DCDC1: variants seen among roughly 807,000 people sequenced by gnomAD.
DCDC1 encodes doublecortin domain-containing protein 1.
A neutral mutation model predicts 178.3 loss-of-function variants in DCDC1; 200 were observed. That is an observed-to-expected ratio of 1.12 (90% CI 1.00 to 1.26). The LOEUF is 1.26. DCDC1 is among the 50% of genes most tolerant of loss of function. The pLI, the probability that DCDC1 is intolerant of heterozygous loss-of-function variation, is 0.00. For synonymous variants in DCDC1, 690 were observed against 604.8 expected (o/e 1.14, Z -2.07); for missense variants, 1,983 against 1,749.2 (o/e 1.13, Z -2.38).
intron 14 of DCDC1, 92 bp downstream of exon 14, chr11:31,103,552 T>C: frequency 3.3e-6 from 2 of 600,498 alleles, no homozygotes; most frequent in Non-Finnish European, 5.9e-6. Flanking sequence ...GAGCATCTTT[T>C]AGTGTTTCGA....
chr11:30,933,933 G>A (rs1307114518), intron 21 of DCDC1, among the ~76,000 whole-genome samples: 1 of 152,092 alleles, frequency 6.6e-6, no homozygotes, highest in Non-Finnish European at 1.5e-5. Flanking sequence ...TGCCATCTGG[G>A]GCAGTATTGT....
intron 3 of DCDC1, among the ~76,000 whole-genome samples, chr11:31,309,609 GT>G (rs1306544243): frequency 1.3e-5 from 2 of 152,090 alleles, no homozygotes; most frequent in Non-Finnish European, 2.9e-5. Flanking sequence ...CCAATAAATA[GT>G]TACTTGAAGA....
At chr11:31,059,246 T>A (rs1013068110) in intron 20 of DCDC1, among the ~76,000 whole-genome samples, 2 of 152,144 alleles carry the variant, frequency 1.3e-5, no homozygotes, top group African/African-American at 2.4e-5. Flanking sequence ...AAGAAACAGA[T>A]GCAATTACAT....
chr11:30,961,037 A>G (rs1216623220), intron 20 of DCDC1, among the ~76,000 whole-genome samples: 1 of 152,122 alleles, frequency 6.6e-6, no homozygotes, highest in Non-Finnish European at 1.5e-5. Context: ...AACAAAATCC[A>G]GAATTAAACA....
At chr11:31,043,403 G>A (rs1954609759) in intron 20 of DCDC1, among the ~76,000 whole-genome samples, 1 of 152,170 alleles carries the variant, frequency 6.6e-6, no homozygotes, top group South Asian at 2.1e-4. Flanking sequence ...CCTGAAGGCA[G>A]AACTGAGATG....
At chr11:31,303,452 G>A (rs774373101) in intron 6 of DCDC1, among the ~76,000 whole-genome samples, 11 of 151,902 alleles carry the variant, frequency 7.2e-5, no homozygotes, top group African/African-American at 9.7e-5. Flanking sequence ...TTATTCACAC[G>A]TTTTTATTTT....
chr11:30,959,980 T>C (rs919891138), intron 20 of DCDC1, among the ~76,000 whole-genome samples: 1 of 152,088 alleles, frequency 6.6e-6, no homozygotes, highest in Non-Finnish European at 1.5e-5. Flanking sequence ...AACCTTAGCA[T>C]ATAAACTTCT....
intron 9 of DCDC1, among the ~76,000 whole-genome samples, chr11:31,217,694 A>G (rs867646256): frequency 6.6e-5 from 10 of 152,286 alleles, no homozygotes; most frequent in Middle Eastern, 3.4e-3. Context: ...ACTGAAAGAC[A>G]GGATATTTTA....
chr11:31,279,721 C>T (rs1946280921), intron 7 of DCDC1, among the ~76,000 whole-genome samples: 1 of 152,102 alleles, frequency 6.6e-6, no homozygotes, highest in African/African-American at 2.4e-5. Flanking sequence ...GAACATCACA[C>T]ACCACAGCCT....
At chr11:30,965,632 G>C (rs886104193) in intron 20 of DCDC1, among the ~76,000 whole-genome samples, 2 of 142,618 alleles carry the variant, frequency 1.4e-5, no homozygotes, top group Non-Finnish European at 3.0e-5. Context: ...CTAAGTTTTA[G>C]TGTACATGTG....
chr11:30,888,150 G>GAAAGAAAGAAAGAAAGAA (rs1554959157), intron 36 of DCDC1, among the ~76,000 whole-genome samples: 9 of 135,030 alleles, frequency 6.7e-5, no homozygotes, highest in Middle Eastern at 3.7e-3. Context: ...AAGAAAGAAA[G>GAAAGAAAGAAAGAAAGAA]AAAGAAAGAA....
At chr11:31,171,003 T>C (rs1967152587) in intron 9 of DCDC1, among the ~76,000 whole-genome samples, 1 of 151,980 alleles carries the variant, frequency 6.6e-6, no homozygotes, top group South Asian at 2.1e-4. Context: ...TAATTTTGTA[T>C]TTTTAGTAGA....
chr11:31,001,547 C>G (rs1482189501), intron 20 of DCDC1, among the ~76,000 whole-genome samples: 1 of 152,134 alleles, frequency 6.6e-6, no homozygotes, highest in Non-Finnish European at 1.5e-5. Context: ...GCCACCGCAG[C>G]GAGGCTGAGC....
rs1198662434 is a variant in DCDC1 at position 30,898,669 on chromosome 11, G to C, written c.4765+872C>G. Among the ~76,000 whole-genome samples the C allele has an allele frequency of 2.6e-5, 4 of 152,188 alleles. No individual in the cohort carries two copies. The East Asian group carries it at 7.7e-4, about 29-fold the overall frequency. ...AAAATGTCTAGCAGTAGGAGTGGTA[G>C]AAGTTAGTAGTAGTCATTATTTTCA... On this transcript the variant is annotated intron_variant, in intron 34 of 38. Coordinates refer to ENST00000684477, the MANE Select transcript of DCDC1 (RefSeq NM_001387274.1).
At chr11:30,890,601 T>C (rs1391884954) in intron 36 of DCDC1, among the ~76,000 whole-genome samples, 1 of 152,104 alleles carries the variant, frequency 6.6e-6, no homozygotes. Flanking sequence ...ATCATACAAC[T>C]TTTCCTTATT....
intron 8 of DCDC1, among the ~76,000 whole-genome samples, chr11:31,259,212 G>A (rs1167929759): frequency 1.3e-5 from 2 of 152,042 alleles, no homozygotes; most frequent in African/African-American, 4.8e-5. Flanking sequence ...AATTAGCTGT[G>A]CATGGTGGCA....
intron 9 of DCDC1, among the ~76,000 whole-genome samples, chr11:31,163,263 A>T (rs1468833430): frequency 6.6e-6 from 1 of 152,178 alleles, no homozygotes; most frequent in African/African-American, 2.4e-5. Context: ...GGCAATATTT[A>T]TTATTTTATG....
intron 32 of DCDC1, 58 bp from the exon 33 acceptor site, chr11:30,900,556 T>C: frequency 1.5e-6 from 2 of 1,342,606 alleles, no homozygotes; most frequent in South Asian, 4.1e-5. Context: ...AAATTTGTTT[T>C]CTGAATTTGT....
intron 20 of DCDC1, among the ~76,000 whole-genome samples, chr11:31,032,326 A>G (rs1953705169): frequency 6.6e-6 from 1 of 152,176 alleles, no homozygotes; most frequent in South Asian, 2.1e-4. Flanking sequence ...ATATTATGTG[A>G]CATGGTATAT....
Sources: gnomAD v4.1 joint callset for allele counts (sites outside exome capture counted in the v4.1 genomes callset) on GRCh38, gnomAD v4.1.1 for gene constraint, MANE v1.5 for transcripts, NCBI Gene and HGNC (gene_info 2026-07-23, HGNC 2026-07-21) for gene names.